AGBL1: variants seen among roughly 807,000 people sequenced by gnomAD.
AGBL1 encodes the protein AGBL carboxypeptidase 1.
Under a neutral mutation model 118.9 loss-of-function variants are expected in AGBL1, and 130 were observed. The ratio of observed to expected loss-of-function variants is 1.09; its 90% CI spans 0.95 to 1.26. AGBL1 has a LOEUF of 1.26. Among genes scored for constraint, AGBL1 ranks in the 50% most tolerant of loss-of-function variants. The pLI, the probability that AGBL1 is intolerant of heterozygous loss-of-function variation, is 0.00. For synonymous variants in AGBL1, 555 were observed against 478.9 expected, an observed-to-expected ratio of 1.16 and a Z score of -2.08; for missense variants, 1,584 against 1,298.1, an observed-to-expected ratio of 1.22 and a Z score of -3.38.
At chr15:86,988,226 C>A in intron 24 of AGBL1, 1 of 1,063,516 alleles carries the variant, frequency 9.4e-7, no homozygotes, top group Non-Finnish European at 1.3e-6. Flanking sequence ...ACATACCCTT[C>A]AGCTTTGCAA....
At chr15:86,256,652 A>C (rs2078899822) in intron 7 of AGBL1, among the ~76,000 whole-genome samples, 1 of 152,262 alleles carries the variant, frequency 6.6e-6, no homozygotes, top group Non-Finnish European at 1.5e-5. Flanking sequence ...ATTCTACATT[A>C]GACAAAATTC....
At chr15:86,661,007 A>C (rs972453141) in intron 21 of AGBL1, among the ~76,000 whole-genome samples, 1 of 152,152 alleles carries the variant, frequency 6.6e-6, no homozygotes, top group African/African-American at 2.4e-5. Context: ...AGAAAGTGTA[A>C]AACAGTATGG....
chr15:86,798,380 G>T (rs1409099590), intron 22 of AGBL1, among the ~76,000 whole-genome samples: 3 of 152,062 alleles, frequency 2.0e-5, no homozygotes, highest in Non-Finnish European at 4.4e-5. Flanking sequence ...AATCTATAAT[G>T]TCTGCATCTT....
At position 86,364,302 on chromosome 15, in the gene AGBL1, G is replaced by A. The variant is rs575472238; in HGVS notation, c.2375-33064G>A. ...TGAATGCGAACTCACTGTGGGCCAG[G>A]CATTGTGCTAAGTGATTTTAATAAC... On this transcript the variant is annotated intron_variant, in intron 17 of 22. Transcript: ENST00000614907. 1.6e-4 allele frequency among the ~76,000 whole-genome samples: 24 copies of A among 152,266 alleles called. No homozygotes were observed. In the South Asian group the frequency reaches 4.8e-3, roughly 30 times the overall value.
intron 22 of AGBL1, among the ~76,000 whole-genome samples, chr15:86,902,801 T>G (rs2080229198): frequency 6.6e-6 from 1 of 152,200 alleles, no homozygotes; most frequent in Admixed American, 6.5e-5. Context: ...TATGGCATTG[T>G]TCCCCTAAAG....
At chr15:86,257,074 T>G in intron 8 of AGBL1, 56 bp downstream of exon 8, 1 of 1,539,918 alleles carries the variant, frequency 6.5e-7, no homozygotes. Context: ...TTTGACCATG[T>G]TTCCCAGGAA....
intron 22 of AGBL1, among the ~76,000 whole-genome samples, chr15:86,747,551 C>G (rs1354428262): frequency 6.6e-6 from 1 of 152,132 alleles, no homozygotes; most frequent in Non-Finnish European, 1.5e-5. Context: ...CATATGTATA[C>G]ATGTGCCATG....
At chr15:86,865,690 G>T (rs756872262) in intron 22 of AGBL1, among the ~76,000 whole-genome samples, 11 of 152,172 alleles carry the variant, frequency 7.2e-5, no homozygotes, top group Non-Finnish European at 1.5e-4. Flanking sequence ...AACACCTGAT[G>T]TCACAGCATG....
intron 23 of AGBL1, among the ~76,000 whole-genome samples, chr15:86,951,545 T>G (rs1407225526): frequency 6.6e-6 from 1 of 152,094 alleles, no homozygotes; most frequent in Non-Finnish European, 1.5e-5. Flanking sequence ...TAATGTTGAG[T>G]GAAAGGAGAT....
At position 86,722,352 on chromosome 15, in the gene AGBL1, G is replaced by A. The variant is rs1001368861; in HGVS notation, c.3158+47916G>A. Among the ~76,000 whole-genome samples the A allele has an allele frequency of 4.3e-4, 65 of 152,064 alleles. 1 individual carries two copies. Among genetic ancestry groups the A allele is most frequent in the South Asian group, 4.1e-4 (2 of 4,828 alleles). ...GAGCAGAGCCCTCAGAAATAATGCC[G>A]CATATCTACAACCATCTGATCTTTG... On this transcript the variant is annotated intron_variant, in intron 22 of 22. Coordinates refer to ENST00000614907, the MANE Select transcript of AGBL1 (RefSeq NM_001386094.1).
chr15:86,822,513 C>T (rs925938791), intron 22 of AGBL1, among the ~76,000 whole-genome samples: 1 of 151,466 alleles, frequency 6.6e-6, no homozygotes, highest in African/African-American at 2.4e-5. Flanking sequence ...AGGTGGAACG[C>T]AGAGCATGGG....
intron 22 of AGBL1, among the ~76,000 whole-genome samples, chr15:86,724,152 C>T (rs1474867813): frequency 2.1e-5 from 3 of 140,368 alleles, no homozygotes; most frequent in East Asian, 2.3e-4. Flanking sequence ...AGGAGAATGG[C>T]GTGAATCCGG....
chr15:86,400,809 G>T (rs112960416), intron 18 of AGBL1, among the ~76,000 whole-genome samples: 4 of 150,580 alleles, frequency 2.7e-5, no homozygotes, highest in African/African-American at 4.9e-5. Context: ...ATGCCATGCT[G>T]ATATATATAT....
intron 22 of AGBL1, among the ~76,000 whole-genome samples, chr15:86,770,516 CTA>C (rs1183770182): frequency 1.3e-5 from 2 of 151,818 alleles, no homozygotes; most frequent in Non-Finnish European, 2.9e-5. Flanking sequence ...TTTAGAAACC[CTA>C]CAATAGGGTA....
intron 22 of AGBL1, among the ~76,000 whole-genome samples, chr15:86,701,042 A>G (rs2086349718): frequency 6.6e-6 from 1 of 152,154 alleles, no homozygotes; most frequent in Non-Finnish European, 1.5e-5. Context: ...CATTCCCTGG[A>G]TGAATTCCAG....
chr15:86,435,724 C>T (rs529346859), intron 18 of AGBL1, among the ~76,000 whole-genome samples: 9 of 152,250 alleles, frequency 5.9e-5, no homozygotes, highest in East Asian at 1.9e-4. Context: ...CCAGAAACCT[C>T]GGGTACATTT....
intron 5 of AGBL1, among the ~76,000 whole-genome samples, chr15:86,166,882 A>C (rs1284036659): frequency 6.6e-6 from 1 of 152,110 alleles, no homozygotes; most frequent in Non-Finnish European, 1.5e-5. Context: ...TACATGCACC[A>C]CTTTCCCCTG....
chr15:86,675,069 C>T (rs1408847165), intron 22 of AGBL1, among the ~76,000 whole-genome samples: 3 of 152,036 alleles, frequency 2.0e-5, no homozygotes, highest in African/African-American at 7.2e-5. Flanking sequence ...TTAGACTTGA[C>T]CAAAACAAAT....
chr15:86,344,454 C>G (rs901971624), intron 17 of AGBL1, among the ~76,000 whole-genome samples: 1 of 152,004 alleles, frequency 6.6e-6, no homozygotes, highest in African/African-American at 2.4e-5. Context: ...TGAATGGAGC[C>G]CCCTAGAGTT....
Sources: allele counts gnomAD v4.1 joint callset (sites outside exome capture counted in the v4.1 genomes callset), GRCh38; gene constraint gnomAD v4.1.1; transcripts MANE v1.5; gene names NCBI Gene and HGNC (gene_info 2026-07-23, HGNC 2026-07-21).